RBX1: variants seen among roughly 807,000 people sequenced by gnomAD.
RBX1 encodes the protein E3 ubiquitin-protein ligase RBX1.
For missense variants in RBX1, 46 were observed against 141.4 expected (o/e 0.33, Z 3.42); for synonymous variants, 48 against 47.9 (o/e 1.00, Z -0.01).
intron 2 of RBX1, among the ~76,000 whole-genome samples, chr22:40,959,731 A>G (rs952248434): frequency 1.3e-5 from 2 of 152,104 alleles, no homozygotes; most frequent in African/African-American, 4.8e-5. Flanking sequence ...GAATCACTTG[A>G]ACCTGGGAGA....
At chr22:40,961,787 CTGTGTG>C (rs139232745) in intron 2 of RBX1, among the ~76,000 whole-genome samples, 16 of 149,240 alleles carry the variant, frequency 1.1e-4, no homozygotes, top group Non-Finnish European at 8.9e-5. Context: ...TTTGCTTTCT[CTGTGTG>C]TGTGTGTGTG....
chr22:40,967,762 T>C (rs770376416), intron 3 of RBX1, 37 bp from the exon 4 acceptor site: 3 of 1,561,498 alleles, frequency 1.9e-6, no homozygotes, highest in Middle Eastern at 1.7e-4. Flanking sequence ...TGAGCCTGCA[T>C]AGAGTTATTT....
intron 2 of RBX1, among the ~76,000 whole-genome samples, chr22:40,961,787 CTGTG>C (rs139232745): frequency 2.0e-5 from 3 of 149,334 alleles, no homozygotes; most frequent in East Asian, 2.0e-4. Context: ...TTTGCTTTCT[CTGTG>C]TGTGTGTGTG....
intron 3 of RBX1, among the ~76,000 whole-genome samples, chr22:40,965,215 A>T (rs2058350922): frequency 6.6e-6 from 1 of 151,794 alleles, no homozygotes; most frequent in South Asian, 2.1e-4. Context: ...AGGCAGGAGA[A>T]TGGCGTGAAC....
At chr22:40,959,429 C>G (rs2058333991) in intron 2 of RBX1, among the ~76,000 whole-genome samples, 1 of 152,184 alleles carries the variant, frequency 6.6e-6, no homozygotes, top group African/African-American at 2.4e-5. Context: ...TAATCATTTT[C>G]CCTGCTATAT....
chr22:40,953,167 T>C (rs1210801247), intron 1 of RBX1, among the ~76,000 whole-genome samples: 1 of 152,026 alleles, frequency 6.6e-6, no homozygotes, highest in Non-Finnish European at 1.5e-5. Context: ...ATTTTTGTAT[T>C]TTTAGTAAAG....
intron 2 of RBX1, among the ~76,000 whole-genome samples, chr22:40,955,362 A>C (rs1193715551): frequency 6.6e-6 from 1 of 151,718 alleles, no homozygotes; most frequent in East Asian, 1.9e-4. Flanking sequence ...GCCTTCCAAA[A>C]TGTTGCGATT....
rs1286718012 is a variant in RBX1, at chr22:40,972,533, A to T, written c.*45A>T. 1 of 1,530,524 alleles carries T rather than the reference A, an allele frequency of 6.5e-7. No individual in the cohort carries two copies. The highest frequency in any genetic ancestry group is 9.1e-7 in the Non-Finnish European group (1 of 1,104,806). The allele number at this position is 1,530,524 out of a possible 1,614,324, so 94.8% of individuals were successfully genotyped here. ...AGCTTAATTGTTTTGTTATTCATTT[A>T]ATGACTTTCCCTGCTGTTACCTAAT... is the stretch of plus-strand genomic sequence containing the variant. On this transcript the variant is annotated 3_prime_UTR_variant, in exon 5 of 5. Coordinates refer to ENST00000216225, the MANE Select transcript of RBX1 (RefSeq NM_014248.4).
chr22:40,953,228 G>A (rs930873883), intron 1 of RBX1, among the ~76,000 whole-genome samples: 2 of 152,076 alleles, frequency 1.3e-5, no homozygotes, highest in African/African-American at 2.4e-5. Context: ...TGACCTCAGT[G>A]ATCGGCCCGC....
chr22:40,952,181 C>G (rs565734688), intron 1 of RBX1, among the ~76,000 whole-genome samples: 1 of 152,206 alleles, frequency 6.6e-6, no homozygotes, highest in East Asian at 1.9e-4. Context: ...AATCCGAGCC[C>G]AAATCCTGTG....
At chr22:40,967,451 G>C (rs1369580904) in intron 3 of RBX1, 1 of 171,864 alleles carries the variant, frequency 5.8e-6, no homozygotes, top group Non-Finnish European at 1.3e-5. Context: ...ATTGATGAGG[G>C]GCCTCCTTTC....
intron 2 of RBX1, among the ~76,000 whole-genome samples, chr22:40,961,081 CTTTTTTTTT>C (rs61092253): frequency 2.8e-5 from 3 of 107,666 alleles, no homozygotes; most frequent in Admixed American, 1.9e-4. Context: ...CGTGCCTGGC[CTTTTTTTTT>C]TTTTTTTTTT....
At position 40,967,562 on chromosome 22, in the gene RBX1, C is replaced by T. The variant is rs2058357534; in HGVS notation, c.229-237C>T. 11 of 415,182 alleles carry T rather than the reference C, an allele frequency of 2.6e-5. No homozygotes were observed. In the South Asian group the frequency reaches 3.2e-4, roughly 12 times the overall value. 25.7% of individuals were successfully genotyped at this position (415,182 alleles called of 1,614,324 possible). A position where few individuals can be genotyped will look rare whatever the true frequency, so the allele number is the denominator to read the frequency against. ...GAGAGCTCAGTGCTGGCACATACTC[C>T]TGTGCTTCCTGAATGATTTCCTTTA... On this transcript the variant is annotated intron_variant, in intron 3 of 4. Coordinates refer to ENST00000216225, the MANE Select transcript of RBX1 (RefSeq NM_014248.4).
intron 3 of RBX1, chr22:40,966,190 A>G (rs2058353864): frequency 6.6e-6 from 1 of 152,220 alleles, no homozygotes; most frequent in Admixed American, 6.5e-5. Context: ...ATACATGTCA[A>G]CATCTTCTGT....
intron 4 of RBX1, among the ~76,000 whole-genome samples, chr22:40,968,087 T>TTC (rs1328150523): frequency 2.1e-5 from 3 of 141,664 alleles, no homozygotes; most frequent in Non-Finnish European, 4.6e-5. Context: ...TTCCCAACCT[T>TTC]TTTTTTTTTT....
At chr22:40,963,209 CT>C (rs1406892353) in intron 2 of RBX1, among the ~76,000 whole-genome samples, 1 of 152,132 alleles carries the variant, frequency 6.6e-6, no homozygotes, top group Non-Finnish European at 1.5e-5. Flanking sequence ...TCTCCTGAAG[CT>C]TTTTATTCTT....
intron 2 of RBX1, among the ~76,000 whole-genome samples, chr22:40,955,541 C>T (rs570368598): frequency 8.5e-5 from 13 of 152,246 alleles, no homozygotes; most frequent in Middle Eastern, 3.4e-3. Context: ...ATTTTACATT[C>T]TGTCTTTGTA....
intron 1 of RBX1, among the ~76,000 whole-genome samples, chr22:40,952,487 A>AG (rs1198188577): frequency 6.6e-6 from 1 of 152,196 alleles, no homozygotes; most frequent in Non-Finnish European, 1.5e-5. Context: ...AAATAATAGA[A>AG]GTAGGGGCTT....
At chr22:40,954,895 T>G (rs776893207) in intron 2 of RBX1, among the ~76,000 whole-genome samples, 8 of 152,164 alleles carry the variant, frequency 5.3e-5, no homozygotes, top group Non-Finnish European at 8.8e-5. Context: ...CAAGTGATTC[T>G]CCTGCCTCAG....
Sources: allele counts gnomAD v4.1 joint callset (sites outside exome capture counted in the v4.1 genomes callset), GRCh38; gene constraint gnomAD v4.1.1; transcripts MANE v1.5; gene names NCBI Gene and HGNC (gene_info 2026-07-23, HGNC 2026-07-21).